Variants in PTCHD1 observed in about 807,000 individuals in gnomAD.
PTCHD1 encodes patched domain containing 1, also known as patched domain-containing protein 1.
A neutral mutation model predicts 34.6 loss-of-function variants in PTCHD1; 3 were observed. That is an observed-to-expected ratio of 0.09 (90% CI 0.04 to 0.22). PTCHD1 has a LOEUF of 0.22. PTCHD1 is among the 10% of genes least tolerant of loss of function. PTCHD1 has a pLI of 1.00. For synonymous variants in PTCHD1, 305 were observed against 283.1 expected (o/e 1.08, Z -0.77); for missense variants, 504 against 685.5 (o/e 0.74, Z 2.96).
intron 1 of PTCHD1, among the ~76,000 whole-genome samples, chrX:23,354,212 G>A (rs1244593157): frequency 9.0e-6 from 1 of 111,021 alleles, no homozygotes; most frequent in African/African-American, 3.3e-5. Context: ...TGGATGAGGA[G>A]GAGGTAGCAA....
rs752272029 is a variant in PTCHD1, at chrX:23,394,068, A to C, written c.2550A>C (p.Pro850=). 9.1e-6 allele frequency: 11 copies of C among 1,208,405 alleles called. No individual in the cohort carries two copies. The highest frequency in any genetic ancestry group is 1.1e-5 in the Non-Finnish European group (10 of 893,804). Residue 850 remains proline (P), a synonymous_variant, in exon 3 of 3, where the codon CCA becomes CCC. Coordinates refer to ENST00000379361, the MANE Select transcript of PTCHD1 (RefSeq NM_173495.3). ...TACCTGTGATACTGACTTTCCTGCC[A>C]CCCTCTAAGAAAAAAAGGAAAGAGA... is the stretch of plus-strand genomic sequence containing the variant. The part of the protein sequence containing the change: ...AILPVILTFL[P]PSKKKRKEKK...
At position 23,400,462 on chromosome X, in the gene PTCHD1, G is replaced by A. The variant is rs187227527; in HGVS notation, c.*6277G>A. ...CACTGCCCTCCAGACTGGCAACAGA[G>A]TGAGACTTCGTCTCAAAAAAATAAA... On this transcript the variant is annotated 3_prime_UTR_variant, in exon 3 of 3. Transcript: ENST00000379361. 8.9e-6 allele frequency: 1 copy of A among 112,867 alleles called. No individual in the cohort carries two copies. Among genetic ancestry groups the A allele is most frequent in the African/African-American group, 3.2e-5 (1 of 31,071 alleles). 9.3% of individuals were successfully genotyped at this position (112,867 alleles called of 1,213,427 possible). A position where few individuals can be genotyped will look rare whatever the true frequency, so the allele number is the denominator to read the frequency against.
intron 1 of PTCHD1, among the ~76,000 whole-genome samples, chrX:23,342,306 ATATATTTT>A (rs1417380693): frequency 8.2e-4 from 8 of 9,796 alleles, no homozygotes; most frequent in Admixed American, 1.8e-3. Context: ...ATATATATAT[ATATATTTT>A]TTTTTTTTTT....
intron 1 of PTCHD1, among the ~76,000 whole-genome samples, chrX:23,366,348 C>G (rs1171223111): frequency 8.9e-6 from 1 of 112,129 alleles, no homozygotes; most frequent in Non-Finnish European, 1.9e-5. Context: ...CGCAGTTGCC[C>G]ACAGGACAAA....
chrX:23,341,938 G>C (rs757653474), intron 1 of PTCHD1, among the ~76,000 whole-genome samples: 2 of 111,385 alleles, frequency 1.8e-5, no homozygotes, highest in African/African-American at 6.5e-5. Flanking sequence ...TTAATTCATA[G>C]GCTTCAAGTA....
chrX:23,350,917 T>C (rs1045583893), intron 1 of PTCHD1: 2 of 165,246 alleles, frequency 1.2e-5, no homozygotes, highest in South Asian at 6.5e-4. Flanking sequence ...AGGCATATAG[T>C]AGAGGATGCA....
At chrX:23,344,703 C>T (rs1370597642) in intron 1 of PTCHD1, among the ~76,000 whole-genome samples, 2 of 111,523 alleles carry the variant, frequency 1.8e-5, no homozygotes, top group Non-Finnish European at 3.8e-5. Context: ...AACGTGGTTC[C>T]TCTGGGCTCA....
rs370935213 is a variant in PTCHD1 at position 23,362,781 on chromosome X, T to A, written c.352-16810T>A. On this transcript the variant is annotated intron_variant, in intron 1 of 2. Transcript: ENST00000379361. ...TTTGTGGTTTTATCTACCTTTGGTCTTTGATGTTGGTGACCTACAGATGGG... is the reference window on the plus strand; with the variant it reads ...TTTGTGGTTTTATCTACCTTTGGTCATTGATGTTGGTGACCTACAGATGGG... Among the ~76,000 whole-genome samples, 13 of 112,281 alleles carry A rather than the reference T, an allele frequency of 1.2e-4. No homozygotes were observed. In the East Asian group the frequency reaches 1.7e-3, roughly 14 times the overall value.
At chrX:23,335,740 A>G (rs775519247) in intron 1 of PTCHD1, among the ~76,000 whole-genome samples, 3 of 111,540 alleles carry the variant, frequency 2.7e-5, no homozygotes, top group African/African-American at 9.8e-5. Flanking sequence ...GGGAAAGGAC[A>G]AAAGAATGTG....
chrX:23,348,636 G>T (rs1262588598), intron 1 of PTCHD1, among the ~76,000 whole-genome samples: 2 of 109,190 alleles, frequency 1.8e-5, no homozygotes, highest in Admixed American at 2.0e-4. Flanking sequence ...AGAGAATGAA[G>T]ATAAATAGTT....
rs1487846077 is a variant in PTCHD1, at chrX:23,398,084, A to T, written c.*3899A>T. 9.0e-6 allele frequency: 1 copy of T among 111,672 alleles called. No individual in the cohort carries two copies. The highest frequency in any genetic ancestry group is 3.3e-5 in the African/African-American group (1 of 30,700). 9.2% of individuals were successfully genotyped at this position (111,672 alleles called of 1,213,427 possible). ...CAACAGTCAACAAATCAGATTTTTT[A>T]AAATCTGCTCTTGTAGAGTCTACCT... On this transcript the variant is annotated 3_prime_UTR_variant, in exon 3 of 3. Transcript: ENST00000379361.
At chrX:23,371,186 A>T (rs905481996) in intron 1 of PTCHD1, among the ~76,000 whole-genome samples, 20 of 112,370 alleles carry the variant, frequency 1.8e-4, no homozygotes, top group African/African-American at 6.5e-4. Flanking sequence ...TGAGGTAAGG[A>T]TTATTCCCAT....
rs1922904922 is a variant in PTCHD1 at position 23,394,019 on chromosome X, CCTT to C, written c.2505_2507del (p.Phe836del). 1 of 1,210,710 alleles carries C rather than the reference CCTT, an allele frequency of 8.3e-7. No individual in the cohort carries two copies. The highest frequency in any genetic ancestry group is 1.1e-6 in the Non-Finnish European group (1 of 895,119). Reference sequence around the variant, plus strand: ...TGCTTGTTTTTAATAGCATTTGTCACCTTCTTTCACTGCTTTGCCATTTTACCT... The same window carrying C: ...TGCTTGTTTTTAATAGCATTTGTCACCTTTCACTGCTTTGCCATTTTACCT... On this transcript the variant is annotated inframe_deletion, in exon 3 of 3. Transcript: ENST00000379361.
At chrX:23,348,501 T>A (rs1456066441) in intron 1 of PTCHD1, among the ~76,000 whole-genome samples, 1 of 110,583 alleles carries the variant, frequency 9.0e-6, no homozygotes, top group Admixed American at 9.6e-5. Flanking sequence ...TGTATCATAA[T>A]CAAACTACAG....
At chrX:23,370,729 C>T (rs1387910733) in intron 1 of PTCHD1, among the ~76,000 whole-genome samples, 2 of 111,955 alleles carry the variant, frequency 1.8e-5, no homozygotes, top group Non-Finnish European at 3.8e-5. Context: ...TACCAAAGAG[C>T]TCATCTGATG....
At chrX:23,334,765 TCGCCGCCGCCGCGGG>T (rs1385047490), upstream of PTCHD1, 4 of 165,426 alleles carry the variant, frequency 2.4e-5, no homozygotes, top group African/African-American at 6.9e-5. Flanking sequence ...GCCGCCGCCG[TCGCCGCCGCCGCGGG>T]CGCCGCTGCC....
intron 1 of PTCHD1, among the ~76,000 whole-genome samples, chrX:23,350,060 T>TAAAAAAAAAAAAAAA (rs57194123): frequency 2.5e-5 from 1 of 40,414 alleles, no homozygotes; most frequent in African/African-American, 1.1e-4. Context: ...TTAGTGCTGT[T>TAAAAAAAAAAAAAAA]AAAAAAAAAA....
chrX:23,356,698 C>T (rs1004670476), intron 1 of PTCHD1, among the ~76,000 whole-genome samples: 5 of 112,241 alleles, frequency 4.5e-5, no homozygotes, highest in Non-Finnish European at 9.4e-5. Context: ...AAGAATACCA[C>T]CCTCACAGCA....
intron 2 of PTCHD1, 133 bp downstream of exon 2, chrX:23,380,384 C>A: frequency 3.2e-6 from 2 of 632,137 alleles, no homozygotes; most frequent in Admixed American, 2.5e-5. Context: ...AGTCCTGGGA[C>A]CCACTCTATA....
Sources: allele counts gnomAD v4.1 joint callset (sites outside exome capture counted in the v4.1 genomes callset), GRCh38; gene constraint gnomAD v4.1.1; transcripts MANE v1.5; gene names NCBI Gene and HGNC (gene_info 2026-07-23, HGNC 2026-07-21).